The following UNC80 variants were observed in gnomAD, a reference collection of about 807,000 sequenced individuals.
UNC80 encodes the protein protein unc-80 homolog.
UNC80 carries 164 observed loss-of-function variants against 384.6 expected under a neutral mutation model. The ratio of observed to expected loss-of-function variants is 0.43; its 90% CI spans 0.38 to 0.49. The LOEUF (loss-of-function observed/expected upper bound fraction) is 0.49. UNC80 is among the 20% of genes least tolerant of loss of function. The pLI is 0.00. For synonymous variants in UNC80, 1,486 were observed against 1,527.8 expected, an observed-to-expected ratio of 0.97 and a Z score of 0.64; for missense variants, 3,330 against 4,143.0, an observed-to-expected ratio of 0.80 and a Z score of 5.39.
At position 209,877,964 on chromosome 2, in the gene UNC80, T is replaced by C. The variant is rs772886476; in HGVS notation, c.3851T>C (p.Val1284Ala). The C allele has an allele frequency of 3.9e-6, 6 of 1,529,452 alleles. No homozygotes were observed. The highest frequency in any genetic ancestry group is 5.3e-6 in the Non-Finnish European group (6 of 1,138,598). 94.7% of individuals were successfully genotyped at this position (1,529,452 alleles called of 1,614,324 possible). A position where few individuals can be genotyped will look rare whatever the true frequency, so the allele number is the denominator to read the frequency against. Residue 1284 changes from valine to alanine, a missense_variant, in exon 24 of 65, where the codon GTC (valine) becomes GCC (alanine). Val to Ala is a moderately conservative substitution (Grantham distance 64, BLOSUM62 0). Transcript: ENST00000673920. ...TCCTTCCCATTTTAGGCAATTGGCG[T>C]CCGATTGAATGAGCTGTGCCACGGG... ...LFYQWGDAIGVRLNELCHGES... is the reference protein window; with the variant it reads ...LFYQWGDAIGARLNELCHGES...
chr2:209,838,616 T>C (rs778290720), intron 18 of UNC80, among the ~76,000 whole-genome samples: 11 of 152,126 alleles, frequency 7.2e-5, no homozygotes, highest in Non-Finnish European at 1.6e-4. Context: ...ACTGGGGTGA[T>C]GCGTGGGGAA....
At chr2:209,954,018 A>G (rs2092306516) in intron 47 of UNC80, 82 bp from the exon 48 acceptor site, 6 of 1,402,878 alleles carry the variant, frequency 4.3e-6, no homozygotes, top group Non-Finnish European at 5.7e-6. Flanking sequence ...GATGCTTTTC[A>G]TTGTTCTATG....
At chr2:209,920,765 T>C (rs2089971037) in intron 33 of UNC80, among the ~76,000 whole-genome samples, 1 of 152,190 alleles carries the variant, frequency 6.6e-6, no homozygotes, top group African/African-American at 2.4e-5. Context: ...GAGAGATCTC[T>C]CTTTCTTTGT....
chr2:209,822,345 G>C (rs753939576), intron 13 of UNC80, among the ~76,000 whole-genome samples: 1 of 152,160 alleles, frequency 6.6e-6, no homozygotes, highest in African/African-American at 2.4e-5. Context: ...GATCACAAGA[G>C]ATTTGATTGC....
chr2:209,885,475 G>T (rs1370360534), intron 25 of UNC80, among the ~76,000 whole-genome samples: 1 of 152,120 alleles, frequency 6.6e-6, no homozygotes, highest in East Asian at 1.9e-4. Flanking sequence ...CTACTTTTGT[G>T]AATCAGAATT....
intron 63 of UNC80, 77 bp from the exon 64 acceptor site, chr2:209,993,988 T>C (rs949184291): frequency 9.2e-5 from 121 of 1,314,334 alleles, no homozygotes; most frequent in Middle Eastern, 8.6e-4. Context: ...GAGACACTGG[T>C]TAATACCAAC....
chr2:209,931,078 A>G (rs1343680239), intron 38 of UNC80, 24 bp downstream of exon 38: 4 of 1,490,304 alleles, frequency 2.7e-6, no homozygotes, highest in Admixed American at 2.0e-5. Context: ...GTTCATTTCC[A>G]ATTACGAAGC....
In UNC80 at chr2:209,939,764, G is replaced by A. The variant is rs577528465; in HGVS notation, c.6646+112G>A. On this transcript the variant is annotated intron_variant, in intron 43 of 64. Transcript: ENST00000673920. Reference sequence around the variant, plus strand: ...AAGTTTTAGGGTACATGTGCTCAACGTGCAGGTTTGTTACATATGTATACA... The same window carrying A: ...AAGTTTTAGGGTACATGTGCTCAACATGCAGGTTTGTTACATATGTATACA... 52 of 998,474 alleles carry A rather than the reference G, an allele frequency of 5.2e-5. No individual in the cohort carries two copies. In the East Asian group the frequency reaches 1.1e-3, roughly 21 times the overall value. 61.9% of individuals were successfully genotyped at this position (998,474 alleles called of 1,614,324 possible).
chr2:209,928,009 A>G (rs1323664353), intron 36 of UNC80, among the ~76,000 whole-genome samples: 3 of 152,150 alleles, frequency 2.0e-5, no homozygotes, highest in African/African-American at 7.2e-5. Context: ...CGAATACCAG[A>G]GAATATTTTC....
In UNC80 at chr2:209,785,458, A is replaced by G. The variant is rs1215281275; in HGVS notation, c.601-608A>G. Among the ~76,000 whole-genome samples the G allele has an allele frequency of 2.0e-5, 3 of 152,206 alleles. No individual in the cohort carries two copies. In the East Asian group the frequency reaches 5.8e-4, roughly 29 times the overall value. ...TGTTGTGTACCCAGTTCCTAATGCT[A>G]TGTTAAACATTGTGATGATGCTCGG... On this transcript the variant is annotated intron_variant, in intron 4 of 64. Transcript: ENST00000673920.
intron 56 of UNC80, among the ~76,000 whole-genome samples, chr2:209,974,791 T>C (rs2092968747): frequency 6.6e-6 from 1 of 152,254 alleles, no homozygotes; most frequent in Non-Finnish European, 1.5e-5. Flanking sequence ...GAGTCACTTT[T>C]ATACACTGCT....
At chr2:209,778,207 A>G (rs116078332) in intron 4 of UNC80, among the ~76,000 whole-genome samples, 12,378 of 152,216 alleles carry the variant, frequency 0.081, 637 homozygotes, top group Non-Finnish European at 0.11. Context: ...GTTCCAGGCC[A>G]GCCTGGCCAA....
Position 209,815,364 on chromosome 2 carries a change from A to G in UNC80, c.1308A>G (p.Ser436=), listed in dbSNP as rs1321915264. ...LRRSAVPDLS[S]DLGMNIFKKF... ...GATCTGCAGTCCCAGATCTTTCTTC[A>G]GACCTGGGCATGAATATTTTTAAAA... Residue 436 remains serine, a synonymous_variant, in exon 9 of 65, where the codon TCA becomes TCG. Coordinates refer to ENST00000673920, the MANE Select transcript of UNC80 (RefSeq NM_001371986.1). 1 of 1,551,432 alleles carries G rather than the reference A, an allele frequency of 6.4e-7. No homozygotes were observed. Among genetic ancestry groups the G allele is most frequent in the East Asian group, 2.4e-5 (1 of 40,920 alleles).
Position 209,922,278 on chromosome 2 carries a change from C to T in UNC80, c.5557C>T (p.Arg1853Cys), listed in dbSNP as rs868718375. 4 of 1,552,180 alleles carry T rather than the reference C, an allele frequency of 2.6e-6. No individual in the cohort carries two copies. The highest frequency in any genetic ancestry group is 3.5e-6 in the Non-Finnish European group (4 of 1,147,084). The part of the protein sequence containing the change: ...EVEEVTNLAS[R>C]RLSVSPSCTS... ...AGAAGAAGTCACCAATCTGGCATCC[C>T]GTCGACTGTCTGTGAGTCCATCCTG... The change falls in exon 35 of 65, where the codon CGT becomes TGT. Residue 1853 changes from arginine to cysteine, a missense_variant. By Grantham distance (180) the Arg-to-Cys change is radical. Coordinates refer to ENST00000673920, the MANE Select transcript of UNC80 (RefSeq NM_001371986.1).
At chr2:209,867,297 A>G (rs2083914971) in intron 22 of UNC80, among the ~76,000 whole-genome samples, 1 of 152,212 alleles carries the variant, frequency 6.6e-6, no homozygotes, top group African/African-American at 2.4e-5. Context: ...CTAGGCTCAA[A>G]TATGAAGGTT....
At position 209,858,633 on chromosome 2, in the gene UNC80, G is replaced by A. The variant is rs191704553; in HGVS notation, c.3627+9010G>A. Among the ~76,000 whole-genome samples the A allele has an allele frequency of 1.3e-3, 194 of 150,360 alleles. 3 individuals are homozygous for A. The highest frequency in any genetic ancestry group is 7.9e-4 in the East Asian group (4 of 5,084). On this transcript the variant is annotated intron_variant, in intron 22 of 64. Coordinates refer to ENST00000673920, the MANE Select transcript of UNC80 (RefSeq NM_001371986.1). ...AGCTTGAACCCAGGAAACAGAGGTCGCAGTGAGCCCAGATCACACAACCGC... is the reference window on the plus strand; with the variant it reads ...AGCTTGAACCCAGGAAACAGAGGTCACAGTGAGCCCAGATCACACAACCGC...
At chr2:209,811,910 T>A (rs1338887972) in intron 7 of UNC80, among the ~76,000 whole-genome samples, 1 of 152,160 alleles carries the variant, frequency 6.6e-6, no homozygotes, top group Non-Finnish European at 1.5e-5. Flanking sequence ...CGGTTTGGAT[T>A]TGTATTTTTG....
chr2:209,845,584 A>G (rs2082112056), intron 21 of UNC80, among the ~76,000 whole-genome samples: 1 of 152,184 alleles, frequency 6.6e-6, no homozygotes, highest in South Asian at 2.1e-4. Context: ...CAGATTCTAC[A>G]ATGAGTTTGT....
Position 209,977,011 on chromosome 2 carries a change from G to T in UNC80, c.8871G>T (p.Lys2957Asn), listed in dbSNP as rs1355479700. ...ERRFIPRPLC[K>N]SSLIAEFNSE... ...GCTTCATACCACGCCCTTTGTGTAA[G>T]AGCTCGCTCATTGCTGAGTTCAACA... Residue 2957 changes from lysine (K) to asparagine (N), a missense_variant, in exon 58 of 65, where the codon AAG becomes AAT. Around this residue, in one of 8 missense-constraint regions of UNC80, gnomAD observed 216 missense variants for 245.3 expected, o/e 0.88. Transcript: ENST00000673920. 11 of 1,539,098 alleles carry T rather than the reference G, an allele frequency of 7.1e-6. No homozygotes were observed. Among genetic ancestry groups the T allele is most frequent in the Non-Finnish European group, 9.7e-6 (11 of 1,136,620 alleles).
Sources: allele counts gnomAD v4.1 joint callset (sites outside exome capture counted in the v4.1 genomes callset), GRCh38; gene constraint gnomAD v4.1.1; regional missense constraint gnomAD v4.1.1; transcripts MANE v1.5; gene names NCBI Gene and HGNC (gene_info 2026-07-23, HGNC 2026-07-21).